The following ADGRE1 variants were observed in gnomAD, a reference collection of about 807,000 sequenced individuals.
ADGRE1 encodes the protein EGF-like module receptor 1.
ADGRE1 carries 82 observed loss-of-function variants against 102.7 expected under a neutral mutation model. That is an observed-to-expected ratio of 0.80 (90% CI 0.67 to 0.96). ADGRE1 has a LOEUF of 0.96. ADGRE1 is among the 40% of genes least tolerant of loss of function. The pLI is 0.00. For missense variants in ADGRE1, 1,032 were observed against 1,085.3 expected, an observed-to-expected ratio of 0.95 and a Z score of 0.69; for synonymous variants, 398 against 399.6, an observed-to-expected ratio of 1.00 and a Z score of 0.05.
chr19:6,900,757 C>T (rs565389612), intron 5 of ADGRE1, among the ~76,000 whole-genome samples: 17 of 152,302 alleles, frequency 1.1e-4, no homozygotes, highest in African/African-American at 4.1e-4. Context: ...CTCATTATAT[C>T]CCCCTGGCTT....
At chr19:6,887,902 C>G (rs370242488) in intron 1 of ADGRE1, among the ~76,000 whole-genome samples, 113 of 152,170 alleles carry the variant, frequency 7.4e-4, no homozygotes, top group Non-Finnish European at 1.2e-3. Flanking sequence ...GAGGATATAG[C>G]AGTGAGAAAA....
chr19:6,922,610 T>TCACACACACA (rs1491300878), intron 14 of ADGRE1, among the ~76,000 whole-genome samples: 1 of 119,916 alleles, frequency 8.3e-6, no homozygotes, highest in African/African-American at 3.3e-5. Context: ...TGAGACTCTG[T>TCACACACACA]CTCACACACA....
rs867330919 is a variant in ADGRE1 at position 6,928,211 on chromosome 19, G to C, written c.2289G>C (p.Val763=). 1.3e-5 allele frequency: 21 copies of C among 1,614,178 alleles called. No homozygotes were observed. The Middle Eastern group carries it at 3.3e-3, about 254-fold the overall frequency. The change falls in exon 17 of 21, where the codon GTG becomes GTC. Residue 763 remains valine (V), a splice_region_variant and synonymous_variant. Coordinates refer to ENST00000312053, the MANE Select transcript of ADGRE1 (RefSeq NM_001974.5). The part of the protein sequence containing the change: ...SFLGPVCTVI[V]INSLLLTWTL... ...TGGGGCCAGTTTGCACAGTTATAGT[G>C]GTAAGCAAATACTACAACAGCCTGG...
intron 17 of ADGRE1, among the ~76,000 whole-genome samples, chr19:6,932,704 A>G (rs1178189167): frequency 6.6e-6 from 1 of 151,780 alleles, no homozygotes; most frequent in African/African-American, 2.4e-5. Flanking sequence ...GCCCTACCCA[A>G]CTTCCCTAGG....
intron 6 of ADGRE1, among the ~76,000 whole-genome samples, chr19:6,902,352 A>T (rs1973794422): frequency 6.6e-6 from 1 of 151,994 alleles, no homozygotes; most frequent in African/African-American, 2.4e-5. Context: ...CAGGCTATGA[A>T]CCCAGAATGT....
intron 2 of ADGRE1, among the ~76,000 whole-genome samples, chr19:6,894,681 G>A (rs1973488131): frequency 6.6e-6 from 1 of 152,148 alleles, no homozygotes; most frequent in South Asian, 2.1e-4. Context: ...AGCATTATAG[G>A]CAAGGGGTGG....
intron 16 of ADGRE1, among the ~76,000 whole-genome samples, 197 bp downstream of exon 16, chr19:6,926,798 A>G (rs1359059145): frequency 6.6e-6 from 1 of 151,814 alleles, no homozygotes; most frequent in Non-Finnish European, 1.5e-5. Flanking sequence ...CAGGATCACT[A>G]CTATTTGAGG....
chr19:6,915,673 G>A (rs1367932419), intron 11 of ADGRE1, among the ~76,000 whole-genome samples: 1 of 151,970 alleles, frequency 6.6e-6, no homozygotes, highest in Admixed American at 6.6e-5. Context: ...TGTAATCCTA[G>A]CACTTTGGGA....
At chr19:6,901,175 G>A (rs1973753565) in intron 5 of ADGRE1, among the ~76,000 whole-genome samples, 1 of 152,226 alleles carries the variant, frequency 6.6e-6, no homozygotes, top group Admixed American at 6.5e-5. Context: ...TCCTTAGCCA[G>A]ATTTTCACCA....
At chr19:6,902,861 T>G (rs1973822680) in intron 6 of ADGRE1, among the ~76,000 whole-genome samples, 1 of 152,186 alleles carries the variant, frequency 6.6e-6, no homozygotes, top group Non-Finnish European at 1.5e-5. Flanking sequence ...CTCAGCCTCT[T>G]GAGTAGCTGG....
intron 11 of ADGRE1, among the ~76,000 whole-genome samples, chr19:6,915,067 G>T (rs1218363869): frequency 6.6e-6 from 1 of 151,910 alleles, no homozygotes; most frequent in Non-Finnish European, 1.5e-5. Flanking sequence ...GTGCAGTGGT[G>T]TGATCATAGC....
chr19:6,895,787 C>G (rs1973525118), intron 2 of ADGRE1: 2 of 152,170 alleles, frequency 1.3e-5, no homozygotes, highest in African/African-American at 4.8e-5. Context: ...CCATCTAACT[C>G]CCAGGAGATG....
chr19:6,897,313 C>G lies in ADGRE1; in HGVS notation c.394+9C>G. Reference sequence around the variant, plus strand: ...CAATTTCTCCTGTACTGGTAATGCTCTCAGGTTCCCAGGGATGGGTCTTGG... The same window carrying G: ...CAATTTCTCCTGTACTGGTAATGCTGTCAGGTTCCCAGGGATGGGTCTTGG... On this transcript the variant is annotated intron_variant, in intron 4 of 20. Transcript: ENST00000312053. 1 of 1,613,856 alleles carries G rather than the reference C, an allele frequency of 6.2e-7. No individual in the cohort carries two copies. Among genetic ancestry groups the G allele is most frequent in the Non-Finnish European group, 8.5e-7 (1 of 1,179,974 alleles).
At chr19:6,929,511 C>T (rs73488635) in intron 17 of ADGRE1, among the ~76,000 whole-genome samples, 4,576 of 142,382 alleles carry the variant, frequency 0.032, 215 homozygotes, top group African/African-American at 0.11. Flanking sequence ...AAAGGGAAGA[C>T]GGAGCTGCCA....
rs532855508 is a variant in ADGRE1 at position 6,933,956 on chromosome 19, G to A, written c.2290-1031G>A. Among the ~76,000 whole-genome samples, 5 of 152,190 alleles carry A rather than the reference G, an allele frequency of 3.3e-5. No homozygotes were observed. The East Asian group carries it at 7.7e-4, about 24-fold the overall frequency. On this transcript the variant is annotated intron_variant, in intron 17 of 20. Coordinates refer to ENST00000312053, the MANE Select transcript of ADGRE1 (RefSeq NM_001974.5). ...AAGATAATAAACTCCACTCAAGTTC[G>A]CAGTCTATGTCCTAACGTACTGGAT...
chr19:6,931,174 G>A (rs916333873), intron 17 of ADGRE1, among the ~76,000 whole-genome samples: 5 of 151,782 alleles, frequency 3.3e-5, no homozygotes, highest in Non-Finnish European at 5.9e-5. Flanking sequence ...ACAAAGAACT[G>A]AGAACATGTG....
At chr19:6,939,873 T>C (rs1975599532) in intron 20 of ADGRE1, 151 bp from the exon 21 acceptor site, 5 of 937,006 alleles carry the variant, frequency 5.3e-6, no homozygotes, top group Non-Finnish European at 6.6e-6. Flanking sequence ...CCTGCCACAC[T>C]AGGGACAATC....
intron 12 of ADGRE1, among the ~76,000 whole-genome samples, chr19:6,919,193 C>G (rs1453482181): frequency 2.0e-5 from 3 of 151,864 alleles, no homozygotes; most frequent in Non-Finnish European, 4.4e-5. Context: ...TCACCACGCC[C>G]GGCTAATTTT....
At position 6,897,431 on chromosome 19, in the gene ADGRE1, T is replaced by G. The variant is rs1426226882; in HGVS notation, c.398T>G (p.Ile133Ser). The G allele has an allele frequency of 1.3e-6, 2 of 1,593,122 alleles. No individual in the cohort carries two copies. Among genetic ancestry groups the G allele is most frequent in the East Asian group, 2.2e-5 (1 of 44,654 alleles). The change falls in exon 5 of 21, where the codon ATC becomes AGC. Residue 133 changes from isoleucine to serine, a missense_variant. Ile to Ser is a moderately radical substitution (Grantham distance 142). Transcript: ENST00000312053. Reference protein sequence around the residue: ...GKPGNFSCTDINECLTSSVCP... With the variant: ...GKPGNFSCTDSNECLTSSVCP... The stretch of plus-strand genomic sequence containing the variant: ...ACCCTCTTCCACTGCTTCTCAGATA[T>G]CAATGAGTGCCTCACCAGCAGCGTC...
Sources: allele counts gnomAD v4.1 joint callset (sites outside exome capture counted in the v4.1 genomes callset), GRCh38; gene constraint gnomAD v4.1.1; transcripts MANE v1.5; gene names NCBI Gene and HGNC (gene_info 2026-07-23, HGNC 2026-07-21).